Variants in RAP1GAP observed in about 807,000 individuals in gnomAD.
RAP1GAP encodes rap1 GTPase-activating protein 1.
A neutral mutation model predicts 87.2 loss-of-function variants in RAP1GAP; 35 were observed. The observed-to-expected ratio is 0.40, with a 90% CI of 0.31 to 0.53. The LOEUF is 0.53. Ranked by LOEUF, RAP1GAP falls within the 20% of genes least tolerant of loss-of-function variation. RAP1GAP has a pLI of 0.48. For synonymous variants in RAP1GAP, 375 were observed against 363.9 expected (o/e 1.03, Z -0.35); for missense variants, 734 against 898.9 (o/e 0.82, Z 2.35).
At chr1:21,629,987 G>A (rs1030885604) in intron 2 of RAP1GAP, among the ~76,000 whole-genome samples, 2 of 152,154 alleles carry the variant, frequency 1.3e-5, no homozygotes, top group African/African-American at 2.4e-5. Flanking sequence ...AAGTCAAGTC[G>A]GAAAGGTAAT....
chr1:21,619,538 C>A (rs940635130), intron 4 of RAP1GAP, among the ~76,000 whole-genome samples: 1 of 152,080 alleles, frequency 6.6e-6, no homozygotes, highest in African/African-American at 2.4e-5. Flanking sequence ...CCCAGCACCC[C>A]CGGCCCACCT....
In RAP1GAP at chr1:21,634,915, G is replaced by T; in HGVS notation, c.-112-8518C>A. On this transcript the variant is annotated intron_variant, in intron 2 of 24. Coordinates refer to ENST00000374765, the MANE Select transcript of RAP1GAP (RefSeq NM_002885.4). The surrounding 1 kb of genome is among the most constrained non-coding windows in gnomAD (Gnocchi z 4.1). ...AGGAGGAGTGACTCTGAGATGACCC[G>T]GCCGCAGGGCCTCTTCCTGCCGGGC... 5.6e-6 allele frequency: 1 copy of T among 178,056 alleles called. No individual in the cohort carries two copies. The allele number at this position is 178,056 out of a possible 1,614,324, so 11.0% of individuals were successfully genotyped here. A position where few individuals can be genotyped will look rare whatever the true frequency, so the allele number is the denominator to read the frequency against.
rs1411183957 is a variant in RAP1GAP at position 21,596,403 on chromosome 1, G to C, written c.*896C>G. 6.6e-6 allele frequency: 1 copy of C among 152,258 alleles called. No homozygotes were observed. Among genetic ancestry groups the C allele is most frequent in the African/African-American group, 2.4e-5 (1 of 41,470 alleles). The allele number at this position is 152,258 out of a possible 1,614,324, so 9.4% of individuals were successfully genotyped here. A position where few individuals can be genotyped will look rare whatever the true frequency, so the allele number is the denominator to read the frequency against. On this transcript the variant is annotated 3_prime_UTR_variant, in exon 25 of 25. Transcript: ENST00000374765. Reference sequence around the variant, plus strand: ...GGGCTGCCCCCTCCATGGCGGTCGGGGGAGGCAAGGCCTGGACTCTCGGCC... The same window carrying C: ...GGGCTGCCCCCTCCATGGCGGTCGGCGGAGGCAAGGCCTGGACTCTCGGCC...
intron 4 of RAP1GAP, 61 bp downstream of exon 4, chr1:21,619,954 C>T (rs2085660339): frequency 1.3e-6 from 2 of 1,583,750 alleles, no homozygotes; most frequent in African/African-American, 1.3e-5. Flanking sequence ...AGCAAGGGCC[C>T]CCCAGCCCCA....
chr1:21,626,415 T>G lies in RAP1GAP; in HGVS notation c.-112-18A>C, dbSNP rs541674392. 13 of 1,597,338 alleles carry G rather than the reference T, an allele frequency of 8.1e-6. No individual in the cohort carries two copies. The East Asian group carries it at 2.7e-4, about 33-fold the overall frequency. On this transcript the variant is annotated intron_variant, in intron 2 of 24. Transcript: ENST00000374765. ...CGCTCCTCCTGGAAGAGAAAGAGTCTGAGGTCAGGGAGAGCCCCAAGCCAG... is the reference window on the plus strand; with the variant it reads ...CGCTCCTCCTGGAAGAGAAAGAGTCGGAGGTCAGGGAGAGCCCCAAGCCAG...
chr1:21,665,977 C>T (rs568628102), intron 1 of RAP1GAP, among the ~76,000 whole-genome samples: 1 of 152,378 alleles, frequency 6.6e-6, no homozygotes, highest in South Asian at 2.1e-4. Flanking sequence ...GGCTGAGCTG[C>T]CTCCCAGAGC....
chr1:21,603,115 G>T lies in RAP1GAP; in HGVS notation c.1429-202C>A. The stretch of plus-strand genomic sequence containing the variant: ...CCCCAGGAGGGCAAGGGGCTCTCCC[G>T]AGCTCACACGGCAGGACTGCACGTC... On this transcript the variant is annotated intron_variant, in intron 18 of 24. Coordinates refer to ENST00000374765, the MANE Select transcript of RAP1GAP (RefSeq NM_002885.4). This position sits in a 1 kb window ranked among gnomAD's most constrained non-coding sequence, Gnocchi z 6.0. 1 of 566,392 alleles carries T rather than the reference G, an allele frequency of 1.8e-6. No individual in the cohort carries two copies. 35.1% of individuals were successfully genotyped at this position (566,392 alleles called of 1,614,324 possible). A position where few individuals can be genotyped will look rare whatever the true frequency, so the allele number is the denominator to read the frequency against.
At chr1:21,616,274 T>G (rs1282763772) in intron 7 of RAP1GAP, among the ~76,000 whole-genome samples, 3 of 152,168 alleles carry the variant, frequency 2.0e-5, no homozygotes, top group Non-Finnish European at 4.4e-5. Flanking sequence ...GCTTAGTCAT[T>G]GTGTGACCTT....
intron 1 of RAP1GAP, among the ~76,000 whole-genome samples, chr1:21,660,353 T>TATATATATATATATATATAGAGA: frequency 1.1e-4 from 3 of 26,832 alleles, no homozygotes; most frequent in Non-Finnish European, 1.7e-4. Context: ...ATATATTTAT[T>TATATATATATATATATATAGAGA]GAGACAGTCT....
At chr1:21,665,249 C>T (rs372249907) in intron 1 of RAP1GAP, 6 of 517,342 alleles carry the variant, frequency 1.2e-5, no homozygotes, top group African/African-American at 9.6e-5. Flanking sequence ...TGTCAGAATT[C>T]GAACTTGGGT....
chr1:21,635,290 A>G (rs2094505650), intron 2 of RAP1GAP, among the ~76,000 whole-genome samples: 1 of 152,036 alleles, frequency 6.6e-6, no homozygotes, highest in African/African-American at 2.4e-5. Context: ...GTCCCTCCCC[A>G]GCCTCCGCAG....
chr1:21,660,347 A>ATATATATATATATATATATATATATATG lies in RAP1GAP; in HGVS notation c.-149+8906_-149+8907insCATATATATATATATATATATATATATA, dbSNP rs1558925457. Among the ~76,000 whole-genome samples the ATATATATATATATATATATATATATATG allele has an allele frequency of 1.4e-4, 16 of 112,128 alleles. 3 individuals carry two copies. The highest frequency in any genetic ancestry group is 3.0e-4 in the Non-Finnish European group (16 of 53,172). The allele number at this position is 112,128 out of a possible 152,430, so 73.6% of individuals were successfully genotyped here. ...AGTGGGTTCCAACTCAGCTATATATATTTATTGAGACAGTCTCGCTCTGTC... is the reference window on the plus strand; with the variant it reads ...AGTGGGTTCCAACTCAGCTATATATATATATATATATATATATATATATATATGTTTATTGAGACAGTCTCGCTCTGTC... On this transcript the variant is annotated intron_variant, in intron 1 of 24. Coordinates refer to ENST00000374765, the MANE Select transcript of RAP1GAP (RefSeq NM_002885.4).
At chr1:21,644,151 G>A (rs137982897) in intron 2 of RAP1GAP, among the ~76,000 whole-genome samples, 28 of 152,296 alleles carry the variant, frequency 1.8e-4, no homozygotes, top group African/African-American at 6.5e-4. Context: ...AAGCTATAGA[G>A]GATCCTTCCT....
intron 18 of RAP1GAP, among the ~76,000 whole-genome samples, chr1:21,605,362 T>TG (rs2148979310): frequency 6.6e-6 from 1 of 152,222 alleles, no homozygotes; most frequent in African/African-American, 2.4e-5. Flanking sequence ...ACAGAGAAAG[T>TG]ACCCACACAA....
chr1:21,608,889 T>C lies in RAP1GAP; in HGVS notation c.1119A>G (p.Glu373=). ...ACTTCTCTGCCTTGTAGCAGGCATATTCAGCATTGATCAGCTTTGTCAGCA... is the reference window on the plus strand; with the variant it reads ...ACTTCTCTGCCTTGTAGCAGGCATACTCAGCATTGATCAGCTTTGTCAGCA... ...EFLLTKLINA[E]YACYKAEKFA... Residue 373 remains glutamate (E), a synonymous_variant, in exon 16 of 25, where the codon GAA becomes GAG. Transcript: ENST00000374765. 1 of 1,614,094 alleles carries C rather than the reference T, an allele frequency of 6.2e-7. No individual in the cohort carries two copies. Among genetic ancestry groups the C allele is most frequent in the South Asian group, 1.1e-5 (1 of 91,082 alleles).
Position 21,626,214 on chromosome 1 carries a change from A to G in RAP1GAP, c.-19+90T>C, listed in dbSNP as rs2091969196. ...CTGCCTGAACATTTTACCTTTGCCC[A>G]AAAGTCATTCTTGGGCCTTTCCCAG... On this transcript the variant is annotated intron_variant, in intron 3 of 24. Transcript: ENST00000374765. 2.4e-6 allele frequency: 3 copies of G among 1,225,528 alleles called. No homozygotes were observed. In the African/African-American group the frequency reaches 4.5e-5, roughly 18 times the overall value. 75.9% of individuals were successfully genotyped at this position (1,225,528 alleles called of 1,614,324 possible).
rs113447537 is a variant in RAP1GAP at position 21,602,264 on chromosome 1, C to T, written c.1539-467G>A. On this transcript the variant is annotated intron_variant, in intron 19 of 24. Transcript: ENST00000374765. ...CCATGCCATGGGTTGTGTTCTTGTC[C>T]CTTTTCCAGGTTGGGACAGTAAGGC... Among the ~76,000 whole-genome samples, 315 of 152,340 alleles carry T rather than the reference C, an allele frequency of 2.1e-3. 2 individuals are homozygous for T. The highest frequency in any genetic ancestry group is 7.1e-3 in the African/African-American group (295 of 41,586).
rs1402404135 is a variant in RAP1GAP at position 21,657,214 on chromosome 1, CA to C, written c.-148-7419del. ...CACATGAACATCAGCCCCCATGCTG[CA>C]AACCCACAAGTACGTGCACATGCAA... is the stretch of plus-strand genomic sequence containing the variant. On this transcript the variant is annotated intron_variant, in intron 1 of 24. Transcript: ENST00000374765. Among the ~76,000 whole-genome samples, 7 of 152,282 alleles carry C rather than the reference CA, an allele frequency of 4.6e-5. No individual in the cohort carries two copies. In the East Asian group the frequency reaches 1.4e-3, roughly 29 times the overall value.
intron 1 of RAP1GAP, among the ~76,000 whole-genome samples, chr1:21,655,759 C>T (rs528690737): frequency 3.3e-5 from 5 of 152,330 alleles, no homozygotes; most frequent in African/African-American, 9.6e-5. Flanking sequence ...AGAAGAGCAC[C>T]GGGTGGAGGG....
Sources: gnomAD v4.1 joint callset for allele counts (sites outside exome capture counted in the v4.1 genomes callset) on GRCh38, gnomAD v4.1.1 for gene constraint, Gnocchi (gnomAD v3.1) non-coding constraint, MANE v1.5 for transcripts, NCBI Gene and HGNC (gene_info 2026-07-23, HGNC 2026-07-21) for gene names.